Variants in NDUFAF6 observed in about 807,000 individuals in gnomAD.
NDUFAF6 encodes NADH dehydrogenase (ubiquinone) complex I, assembly factor 6.
Under a neutral mutation model 40.8 loss-of-function variants are expected in NDUFAF6, and 45 were observed. The observed-to-expected ratio is 1.10, with a 90% CI of 0.87 to 1.42. The LOEUF (loss-of-function observed/expected upper bound fraction) is 1.42, where lower values mean the gene tolerates loss of function less well. NDUFAF6 is among the 40% of genes most tolerant of loss of function. The pLI, the probability that NDUFAF6 is intolerant of heterozygous loss-of-function variation, is 0.00. For synonymous variants in NDUFAF6, 185 were observed against 155.9 expected (o/e 1.19, Z -1.39); for missense variants, 435 against 418.5 (o/e 1.04, Z -0.34).
chr8:94,963,902 C>T (rs939937104), intron 1 of NDUFAF6, among the ~76,000 whole-genome samples: 1 of 152,170 alleles, frequency 6.6e-6, no homozygotes, highest in African/African-American at 2.4e-5. Flanking sequence ...CAATAAATAG[C>T]CCATTTCATT....
intron 1 of NDUFAF6, among the ~76,000 whole-genome samples, chr8:94,960,018 T>C (rs1442570508): frequency 6.6e-6 from 1 of 152,258 alleles, no homozygotes; most frequent in Admixed American, 6.5e-5. Context: ...CGAGTCCAGA[T>C]GTTAAACAGA....
chr8:95,091,477 A>G (rs1289134944), intron 2 of NDUFAF6, among the ~76,000 whole-genome samples: 1 of 151,990 alleles, frequency 6.6e-6, no homozygotes, highest in Non-Finnish European at 1.5e-5. Context: ...ACAATTCAAG[A>G]TGAGATTTGG....
At chr8:95,033,905 A>G in intron 2 of NDUFAF6, 1 of 405,610 alleles carries the variant, frequency 2.5e-6, no homozygotes, top group Non-Finnish European at 5.1e-6. Flanking sequence ...TCAGAAAGGT[A>G]AGGTCTTGGA....
At chr8:94,906,887 A>G (rs1044084616) in intron 1 of NDUFAF6, among the ~76,000 whole-genome samples, 5 of 152,142 alleles carry the variant, frequency 3.3e-5, no homozygotes, top group African/African-American at 1.2e-4. Flanking sequence ...TTGCCTGTTT[A>G]TTTGTCTGTG....
At chr8:95,087,537 T>C (rs1276995052) in intron 2 of NDUFAF6, 2 of 152,274 alleles carry the variant, frequency 1.3e-5, no homozygotes, top group Non-Finnish European at 2.9e-5. Flanking sequence ...TTTCATGCCT[T>C]TCATTTAAAC....
At chr8:94,940,250 T>C (rs939129863) in intron 1 of NDUFAF6, 2 of 1,565,582 alleles carry the variant, frequency 1.3e-6, no homozygotes, top group African/African-American at 1.4e-5. Flanking sequence ...GCAGTCCACA[T>C]GTGTTGTTGA....
chr8:94,991,807 C>CCT (rs1554651038), intron 2 of NDUFAF6, among the ~76,000 whole-genome samples: 8 of 69,740 alleles, frequency 1.1e-4, no homozygotes, highest in East Asian at 6.7e-4. Flanking sequence ...CCCCCCCCCC[C>CCT]TTTTTTTTTT....
chr8:95,048,739 C>G (rs1831098875), intron 7 of NDUFAF6, among the ~76,000 whole-genome samples, 181 bp downstream of exon 7: 1 of 152,136 alleles, frequency 6.6e-6, no homozygotes, highest in South Asian at 2.1e-4. Context: ...GTCCCTCCCC[C>G]CACCTCACAG....
At chr8:95,069,800 T>TATATATATATAAATATATATATATATA (rs1328840601) in intron 9 of NDUFAF6, among the ~76,000 whole-genome samples, 4 of 144,914 alleles carry the variant, frequency 2.8e-5, no homozygotes, top group Admixed American at 6.9e-5. Context: ...AAAAATTATA[T>TATATATATATAAATATATATATATATA]ATATATATAT....
intron 2 of NDUFAF6, chr8:94,951,080 C>G (rs1170210133): frequency 1.3e-5 from 2 of 152,172 alleles, no homozygotes; most frequent in Non-Finnish European, 2.9e-5. Flanking sequence ...CTAGGACTTC[C>G]AAGCCTCGTC....
rs146052081 is a variant in NDUFAF6, at chr8:94,952,930, C to T, written c.-798-5065C>T. On this transcript the variant is annotated intron_variant, in intron 2 of 14. Transcript: ENST00000396113. ...GGGAGTCCCCAAGAGGTGGGATAGC[C>T]TGCGCTGGATTGTAACTAATGATCG... Among the ~76,000 whole-genome samples, 474 of 152,360 alleles carry T rather than the reference C, an allele frequency of 3.1e-3. 1 individual carries two copies. The highest frequency in any genetic ancestry group is 0.01 in the African/African-American group (436 of 41,584).
chr8:94,914,514 A>C (rs547797805), intron 1 of NDUFAF6, among the ~76,000 whole-genome samples: 1 of 152,330 alleles, frequency 6.6e-6, no homozygotes, highest in South Asian at 2.1e-4. Context: ...CACACCCCAG[A>C]ATAGTCAGCC....
chr8:95,107,583 C>CA (rs1169812355), downstream of NDUFAF6, among the ~76,000 whole-genome samples: 1 of 151,782 alleles, frequency 6.6e-6, no homozygotes, highest in Non-Finnish European at 1.5e-5. Flanking sequence ...ACCTATGTAA[C>CA]AAACCTGCAC....
At chr8:95,090,427 A>G (rs1425741411) in intron 2 of NDUFAF6, among the ~76,000 whole-genome samples, 1 of 151,948 alleles carries the variant, frequency 6.6e-6, no homozygotes, top group Admixed American at 6.6e-5. Context: ...CCTTTATCTC[A>G]TGTCTTTCCT....
rs60279440 is a variant in NDUFAF6, at chr8:95,001,095, C to A, written c.-84+20122C>A. ...CTCAGCCTCCAGAGTAACTGGGACTCCAGGAGCACCACCATGTGTGGCTAA... is the reference window on the plus strand; with the variant it reads ...CTCAGCCTCCAGAGTAACTGGGACTACAGGAGCACCACCATGTGTGGCTAA... On this transcript the variant is annotated intron_variant, in intron 2 of 9. Transcript: ENST00000396111. Among the ~76,000 whole-genome samples the A allele has an allele frequency of 9.0e-3, 1,360 of 151,588 alleles. 19 individuals are homozygous for A. Among genetic ancestry groups the A allele is most frequent in the African/African-American group, 0.031 (1,275 of 41,320 alleles).
chr8:95,106,486 A>C (rs1809847794), downstream of NDUFAF6, among the ~76,000 whole-genome samples: 1 of 152,204 alleles, frequency 6.6e-6, no homozygotes, highest in African/African-American at 2.4e-5. Flanking sequence ...TTAACTCAAG[A>C]TGGATTAAAG....
intron 1 of NDUFAF6, among the ~76,000 whole-genome samples, chr8:94,934,854 C>T (rs1820801377): frequency 6.6e-6 from 1 of 152,170 alleles, no homozygotes; most frequent in South Asian, 2.1e-4. Flanking sequence ...AAACTTGTAG[C>T]ACTGAATAAA....
chr8:95,075,770 CCTT>C (rs1366948451), exon 10 of NDUFAF6: 1 of 1,179,488 alleles, frequency 8.5e-7, no homozygotes, highest in South Asian at 1.3e-5. Flanking sequence ...AGCTTGGAAA[CCTT>C]CTTGCTTAAC....
In NDUFAF6 at chr8:95,025,219, A is replaced by G; in HGVS notation, c.197+14A>G. 1 of 1,403,560 alleles carries G rather than the reference A, an allele frequency of 7.1e-7. No homozygotes were observed. Among genetic ancestry groups the G allele is most frequent in the Non-Finnish European group, 9.2e-7 (1 of 1,090,120 alleles). 86.9% of individuals were successfully genotyped at this position (1,403,560 alleles called of 1,614,324 possible). A position where few individuals can be genotyped will look rare whatever the true frequency, so the allele number is the denominator to read the frequency against. On this transcript the variant is annotated intron_variant, in intron 1 of 8. Coordinates refer to ENST00000396124, the MANE Select transcript of NDUFAF6 (RefSeq NM_152416.4). ...GGAGCTGCTGCGGTGAGCGAGCACG[A>G]CCTTCCCTGGCGCGGCGGGAAGCGG... is the stretch of plus-strand genomic sequence containing the variant.
Sources: gnomAD v4.1 joint callset for allele counts (sites outside exome capture counted in the v4.1 genomes callset) on GRCh38, gnomAD v4.1.1 for gene constraint, MANE v1.5 for transcripts, NCBI Gene and HGNC (gene_info 2026-07-23, HGNC 2026-07-21) for gene names.